Variants in DLG2 observed in about 807,000 individuals in gnomAD.
DLG2 encodes discs large MAGUK scaffold protein 2, also known as disks large homolog 2.
Under a neutral mutation model 132.5 loss-of-function variants are expected in DLG2, and 45 were observed. The observed-to-expected ratio is 0.34, with a 90% CI of 0.27 to 0.44. The LOEUF (loss-of-function observed/expected upper bound fraction) is 0.44. Ranked by LOEUF, DLG2 falls within the 20% of genes least tolerant of loss-of-function variation. DLG2 has a pLI of 1.00. For synonymous variants in DLG2, 424 were observed against 419.6 expected (o/e 1.01, Z -0.13); for missense variants, 1,045 against 1,196.9 (o/e 0.87, Z 1.87).
At chr11:84,395,379 CT>C (rs940427442) in intron 7 of DLG2, among the ~76,000 whole-genome samples, 2 of 151,970 alleles carry the variant, frequency 1.3e-5, no homozygotes, top group African/African-American at 4.8e-5. Context: ...GACACCAACC[CT>C]CTGGAATCCT....
At chr11:85,096,391 C>T (rs1019633690) in intron 6 of DLG2, among the ~76,000 whole-genome samples, 2 of 151,928 alleles carry the variant, frequency 1.3e-5, no homozygotes, top group African/African-American at 2.4e-5. Context: ...ACGAACCCAC[C>T]GGGAGGAACA....
At chr11:84,338,762 C>T (rs187150220) in intron 7 of DLG2, among the ~76,000 whole-genome samples, 54 of 152,094 alleles carry the variant, frequency 3.6e-4, no homozygotes, top group Admixed American at 8.5e-4. Context: ...GCCAAGATGG[C>T]GCCACTGCAC....
intron 18 of DLG2, among the ~76,000 whole-genome samples, chr11:83,725,761 G>A (rs545778212): frequency 2.6e-5 from 4 of 152,300 alleles, no homozygotes; most frequent in East Asian, 3.9e-4. Flanking sequence ...TTGTTTTGAT[G>A]TGTGCTATAT....
At chr11:84,733,181 G>T (rs903920101) in intron 6 of DLG2, among the ~76,000 whole-genome samples, 1 of 152,166 alleles carries the variant, frequency 6.6e-6, no homozygotes, top group East Asian at 1.9e-4. Context: ...GGGTCAAATG[G>T]TATTTTTAGT....
chr11:84,274,653 C>G (rs558230464), intron 7 of DLG2, among the ~76,000 whole-genome samples: 1 of 152,186 alleles, frequency 6.6e-6, no homozygotes, highest in Admixed American at 6.5e-5. Flanking sequence ...CTCTTACCTT[C>G]ATTTCTTTTC....
chr11:85,238,080 C>A (rs1326818442), intron 4 of DLG2, among the ~76,000 whole-genome samples: 2 of 151,798 alleles, frequency 1.3e-5, no homozygotes, highest in Non-Finnish European at 2.9e-5. Context: ...GCATTAAAAA[C>A]CTGTTTAGGT....
chr11:85,026,964 CCAATA>C (rs2060577563), intron 6 of DLG2, among the ~76,000 whole-genome samples: 1 of 151,652 alleles, frequency 6.6e-6, no homozygotes, highest in Non-Finnish European at 1.5e-5. Flanking sequence ...CTAAGGATGA[CCAATA>C]CAATACCGTT....
chr11:85,058,740 T>C (rs958164592), intron 6 of DLG2, among the ~76,000 whole-genome samples: 1 of 151,544 alleles, frequency 6.6e-6, no homozygotes, highest in African/African-American at 2.4e-5. Flanking sequence ...GGTTACTTAA[T>C]ATACATCAAA....
chr11:85,382,201 T>A (rs1162635554), intron 3 of DLG2, among the ~76,000 whole-genome samples: 1 of 151,950 alleles, frequency 6.6e-6, no homozygotes, highest in South Asian at 2.1e-4. Context: ...GAATTGAGAG[T>A]CCAGAAGTAA....
At chr11:83,581,957 T>TG (rs2096985446) in intron 19 of DLG2, among the ~76,000 whole-genome samples, 1 of 130,144 alleles carries the variant, frequency 7.7e-6, no homozygotes, top group Non-Finnish European at 1.6e-5. Context: ...TCTTTTTTTT[T>TG]TTTTTTTTTT....
At chr11:84,976,256 A>G (rs1244876524) in intron 6 of DLG2, among the ~76,000 whole-genome samples, 2 of 152,180 alleles carry the variant, frequency 1.3e-5, no homozygotes, top group Non-Finnish European at 2.9e-5. Flanking sequence ...GTTTTCTGCA[A>G]GAATAAACAG....
chr11:85,570,622 A>C (rs1309675999), intron 3 of DLG2, among the ~76,000 whole-genome samples: 1 of 152,170 alleles, frequency 6.6e-6, no homozygotes, highest in East Asian at 1.9e-4. Context: ...AATGGTTTGC[A>C]TCAAATTTCA....
intron 7 of DLG2, among the ~76,000 whole-genome samples, chr11:84,280,597 A>G (rs1387485454): frequency 6.6e-6 from 1 of 152,222 alleles, no homozygotes. Context: ...ACTACAAAAA[A>G]AGAAAAAAGA....
intron 6 of DLG2, among the ~76,000 whole-genome samples, chr11:84,740,263 C>T (rs954994997): frequency 8.6e-5 from 13 of 151,994 alleles, no homozygotes; most frequent in African/African-American, 3.1e-4. Flanking sequence ...AGCCCCATCT[C>T]CCTCCTTCCA....
Position 85,222,116 on chromosome 11 carries a change from T to TTTTG in DLG2, c.186+63100_186+63103dup, listed in dbSNP as rs760445905. Among the ~76,000 whole-genome samples the TTTTG allele has an allele frequency of 1.7e-3, 261 of 152,008 alleles. 1 individual carries two copies. Among genetic ancestry groups the TTTTG allele is most frequent in the African/African-American group, 4.6e-3 (192 of 41,476 alleles). ...ACCACACCGAGCTAACATTTCGGTTTTTTGTTTGTTTGTTTGTTTGTTTGT... is the reference window on the plus strand; with the variant it reads ...ACCACACCGAGCTAACATTTCGGTTTTTTGTTTGTTTGTTTGTTTGTTTGTTTGT... On this transcript the variant is annotated intron_variant, in intron 4 of 27. Transcript: ENST00000376104.
At chr11:84,273,465 T>C (rs2154365818) in intron 7 of DLG2, among the ~76,000 whole-genome samples, 1 of 152,306 alleles carries the variant, frequency 6.6e-6, no homozygotes, top group South Asian at 2.1e-4. Flanking sequence ...ACAGATGTTT[T>C]CATCGGGAAG....
At chr11:85,335,026 T>C (rs1301198081) in intron 3 of DLG2, among the ~76,000 whole-genome samples, 1 of 152,172 alleles carries the variant, frequency 6.6e-6, no homozygotes, top group Admixed American at 6.5e-5. Context: ...GGTATTGAAG[T>C]CTCCCACTAC....
chr11:85,460,061 A>T (rs1413220270), intron 3 of DLG2, among the ~76,000 whole-genome samples: 1 of 152,198 alleles, frequency 6.6e-6, no homozygotes, highest in Non-Finnish European at 1.5e-5. Context: ...ATCCCAGGGA[A>T]GTGCAGAGCT....
At chr11:85,064,553 AG>A (rs1453513783) in intron 6 of DLG2, among the ~76,000 whole-genome samples, 1 of 151,768 alleles carries the variant, frequency 6.6e-6, no homozygotes, top group African/African-American at 2.4e-5. Flanking sequence ...CATTTTCAAA[AG>A]GGATTATACC....
Sources: gnomAD v4.1 joint callset for allele counts (sites outside exome capture counted in the v4.1 genomes callset) on GRCh38, gnomAD v4.1.1 for gene constraint, MANE v1.5 for transcripts, NCBI Gene and HGNC (gene_info 2026-07-23, HGNC 2026-07-21) for gene names.